HECW2: variants seen among roughly 807,000 people sequenced by gnomAD.
HECW2 encodes E3 ubiquitin-protein ligase HECW2.
In HECW2, 61 loss-of-function variants were observed where a neutral mutation model predicts 175.2. The observed-to-expected ratio is 0.35, with a 90% CI of 0.28 to 0.43. The LOEUF is 0.43. HECW2 is among the 20% of genes least tolerant of loss of function. HECW2 has a pLI of 1.00. For missense variants in HECW2, 1,524 were observed against 2,000.5 expected, an observed-to-expected ratio of 0.76 and a Z score of 4.54; for synonymous variants, 671 against 731.0, an observed-to-expected ratio of 0.92 and a Z score of 1.32.
intron 1 of HECW2, among the ~76,000 whole-genome samples, chr2:196,492,777 T>A (rs1687247074): frequency 6.6e-6 from 1 of 152,246 alleles, no homozygotes; most frequent in Non-Finnish European, 1.5e-5. Context: ...ACTGTCTTCA[T>A]CAGCTTGAAT....
At chr2:196,216,023 A>G (rs746472725) in intron 27 of HECW2, 46 bp from the exon 28 acceptor site, 1 of 1,365,928 alleles carries the variant, frequency 7.3e-7, no homozygotes. Flanking sequence ...CCAGAGACCA[A>G]CAGCCAGGAA....
At chr2:196,436,696 C>T (rs1695886137) in intron 1 of HECW2, among the ~76,000 whole-genome samples, 1 of 151,126 alleles carries the variant, frequency 6.6e-6, no homozygotes, top group South Asian at 2.1e-4. Context: ...GCATCTACTA[C>T]TACATGTCTA....
chr2:196,310,939 C>T (rs1691474488), intron 10 of HECW2, among the ~76,000 whole-genome samples: 1 of 152,132 alleles, frequency 6.6e-6, no homozygotes, highest in Non-Finnish European at 1.5e-5. Flanking sequence ...AAGGTCTCTT[C>T]CAGTTCTAGT....
intron 13 of HECW2, among the ~76,000 whole-genome samples, chr2:196,296,179 A>T (rs1575375918): frequency 1.3e-5 from 2 of 152,208 alleles, no homozygotes; most frequent in South Asian, 4.1e-4. Flanking sequence ...TGTAATTTAT[A>T]TATCTATAGT....
rs1200965265 is a variant in HECW2 at position 196,514,886 on chromosome 2, C to T, written c.-36+78622G>A. Among the ~76,000 whole-genome samples the T allele has an allele frequency of 3.3e-5, 5 of 152,216 alleles. No individual in the cohort carries two copies. The South Asian group carries it at 1.0e-3, about 31-fold the overall frequency. On this transcript the variant is annotated intron_variant, in intron 1 of 28. Coordinates refer to ENST00000644978, the MANE Select transcript of HECW2 (RefSeq NM_001348768.2). ...CTGGATGCAGGACAAGAACTTGGGA[C>T]CAGCCAAATGGTGGGACTAAAAGCG... is the stretch of plus-strand genomic sequence containing the variant.
At chr2:196,459,220 G>T (rs1041415793) in intron 1 of HECW2, among the ~76,000 whole-genome samples, 11 of 152,224 alleles carry the variant, frequency 7.2e-5, no homozygotes, top group Admixed American at 3.3e-4. Flanking sequence ...CTTTGAGGCA[G>T]TAACACTGAG....
intron 2 of HECW2, among the ~76,000 whole-genome samples, chr2:196,399,696 C>T (rs891304956): frequency 1.3e-5 from 2 of 152,220 alleles, no homozygotes; most frequent in African/African-American, 4.8e-5. Context: ...CCTATTTGAA[C>T]ACCAATGCTA....
At chr2:196,494,248 T>C (rs945577888) in intron 1 of HECW2, among the ~76,000 whole-genome samples, 1 of 152,174 alleles carries the variant, frequency 6.6e-6, no homozygotes, top group Non-Finnish European at 1.5e-5. Context: ...GCAACATGTA[T>C]GTCAAGCTGA....
intron 10 of HECW2, among the ~76,000 whole-genome samples, chr2:196,313,361 G>A (rs1691571636): frequency 6.6e-6 from 1 of 152,218 alleles, no homozygotes; most frequent in Non-Finnish European, 1.5e-5. Flanking sequence ...ACATCAGAAT[G>A]AGAAGATACA....
At chr2:196,412,554 G>C (rs1695143142) in intron 2 of HECW2, among the ~76,000 whole-genome samples, 1 of 152,198 alleles carries the variant, frequency 6.6e-6, no homozygotes, top group South Asian at 2.1e-4. Flanking sequence ...TTAGTCACAG[G>C]ACACATTCAG....
At chr2:196,372,578 T>C (rs1374734498) in intron 2 of HECW2, among the ~76,000 whole-genome samples, 1 of 152,190 alleles carries the variant, frequency 6.6e-6, no homozygotes, top group Non-Finnish European at 1.5e-5. Context: ...GTCACAATAA[T>C]AGCAACCACT....
At chr2:196,514,220 G>A (rs1333162696) in intron 1 of HECW2, among the ~76,000 whole-genome samples, 1 of 152,202 alleles carries the variant, frequency 6.6e-6, no homozygotes, top group Non-Finnish European at 1.5e-5. Context: ...CAAAGTTGTG[G>A]CCGAGTCTGA....
intron 15 of HECW2, among the ~76,000 whole-genome samples, chr2:196,274,424 A>C (rs1461725136): frequency 6.6e-6 from 1 of 152,232 alleles, no homozygotes; most frequent in Non-Finnish European, 1.5e-5. Flanking sequence ...CAGCAGCTAA[A>C]CAGCAGACTT....
intron 2 of HECW2, among the ~76,000 whole-genome samples, chr2:196,360,914 C>G (rs1007130236): frequency 6.6e-6 from 1 of 152,156 alleles, no homozygotes; most frequent in Non-Finnish European, 1.5e-5. Context: ...TACAGGCATT[C>G]TAGTGGGTAA....
At chr2:196,249,116 G>C (rs1688765840) in intron 19 of HECW2, among the ~76,000 whole-genome samples, 1 of 152,162 alleles carries the variant, frequency 6.6e-6, no homozygotes, top group Admixed American at 6.5e-5. Context: ...TAAAATCATA[G>C]CTTTGGTTAC....
intron 11 of HECW2, 137 bp from the exon 12 acceptor site, chr2:196,307,370 T>C: frequency 2.0e-6 from 1 of 506,680 alleles, no homozygotes; most frequent in South Asian, 3.8e-5. Context: ...CCTGGACTTC[T>C]TGGCCACCTG....
intron 1 of HECW2, among the ~76,000 whole-genome samples, chr2:196,463,520 T>C (rs929200975): frequency 7.9e-5 from 12 of 152,160 alleles, no homozygotes; most frequent in Non-Finnish European, 1.5e-4. Context: ...GGCTGGGCTT[T>C]TTGAGAATAC....
At chr2:196,269,224 C>T (rs917138989) in intron 17 of HECW2, 1 of 151,948 alleles carries the variant, frequency 6.6e-6, no homozygotes, top group African/African-American at 2.4e-5. Flanking sequence ...GTGACTCATG[C>T]CTGTAATCCC....
At chr2:196,547,380 T>C (rs1689459884) in intron 1 of HECW2, among the ~76,000 whole-genome samples, 1 of 152,340 alleles carries the variant, frequency 6.6e-6, no homozygotes, top group Non-Finnish European at 1.5e-5. Flanking sequence ...ATCCTGCCTT[T>C]ATAATATAAA....
Sources: allele counts gnomAD v4.1 joint callset (sites outside exome capture counted in the v4.1 genomes callset), GRCh38; gene constraint gnomAD v4.1.1; transcripts MANE v1.5; gene names NCBI Gene and HGNC (gene_info 2026-07-23, HGNC 2026-07-21).